Variants in HHIP observed in about 807,000 individuals in gnomAD.
The protein encoded by HHIP is hedgehog interacting protein.
A neutral mutation model predicts 74.0 loss-of-function variants in HHIP; 12 were observed. That is an observed-to-expected ratio of 0.16 (90% CI 0.10 to 0.26). The LOEUF is 0.26. HHIP is among the 10% of genes least tolerant of loss of function. The pLI is 1.00. For missense variants in HHIP, 788 were observed against 845.0 expected, an observed-to-expected ratio of 0.93 and a Z score of 0.84; for synonymous variants, 309 against 311.6, an observed-to-expected ratio of 0.99 and a Z score of 0.09.
Position 144,658,962 on chromosome 4 carries a change from T to A in HHIP, c.629+16T>A. On this transcript the variant is annotated intron_variant, in intron 3 of 12. Coordinates refer to ENST00000296575, the MANE Select transcript of HHIP (RefSeq NM_022475.3). ...AGATCAGCAGGTTCATAAAGATAAA[T>A]GCTCTTTAATCTTTTTAAAAAAACC... is the stretch of plus-strand genomic sequence containing the variant. 6.3e-7 allele frequency: 1 copy of A among 1,586,820 alleles called. No homozygotes were observed. The highest frequency in any genetic ancestry group is 8.6e-7 in the Non-Finnish European group (1 of 1,164,724).
intron 4 of HHIP, among the ~76,000 whole-genome samples, chr4:144,670,764 G>GAAAAAAAAAAAAAAAAAAAAAAAAAAA (rs1167213848): frequency 1.8e-5 from 1 of 54,890 alleles, no homozygotes; most frequent in Non-Finnish European, 3.2e-5. Context: ...CTTAAGATTT[G>GAAAAAAAAAAAAAAAAAAAAAAAAAAA]AAAAAAAAAA....
At chr4:144,650,921 A>G (rs1390421196) in intron 1 of HHIP, 1 of 152,120 alleles carries the variant, frequency 6.6e-6, no homozygotes, top group Non-Finnish European at 1.5e-5. Flanking sequence ...TCAGCTATAA[A>G]AAATGGAAGA....
intron 4 of HHIP, among the ~76,000 whole-genome samples, chr4:144,676,629 CT>C (rs1729178308): frequency 6.6e-6 from 1 of 152,180 alleles, no homozygotes; most frequent in East Asian, 1.9e-4. Context: ...GGAGCCATCT[CT>C]GGGGCCCAAC....
At position 144,708,229 on chromosome 4, in the gene HHIP, T is replaced by C. The variant is rs1247841324; in HGVS notation, c.1219T>C (p.Ser407Pro). The change falls in exon 7 of 13, where the codon TCC (serine) becomes CCC (proline). Residue 407 changes from serine (S) to proline (P), a missense_variant. Ser to Pro is a moderately conservative substitution (Grantham distance 74). This residue lies in a region of HHIP where 72 missense variants were observed against 130.6 expected (regional missense o/e 0.55). Coordinates refer to ENST00000296575, the MANE Select transcript of HHIP (RefSeq NM_022475.3). ...CACAGACATGTGCAACGTGCCTTAT[T>C]CCATACCAAGGAGCAACCCACACTT... Reference protein sequence around the residue: ...VDTDMCNVPYSIPRSNPHFNS... With the variant: ...VDTDMCNVPYPIPRSNPHFNS... The C allele has an allele frequency of 6.2e-7, 1 of 1,614,016 alleles. No individual in the cohort carries two copies.
intron 2 of HHIP, among the ~76,000 whole-genome samples, chr4:144,657,744 G>A (rs752881207): frequency 8.5e-5 from 13 of 152,074 alleles, no homozygotes; most frequent in South Asian, 2.1e-4. Context: ...AAGTAACTCC[G>A]TTGTGTTTTT....
At chr4:144,731,700 G>T (rs1248319061) in intron 11 of HHIP, among the ~76,000 whole-genome samples, 1 of 152,190 alleles carries the variant, frequency 6.6e-6, no homozygotes, top group Non-Finnish European at 1.5e-5. Context: ...GATTACAGGT[G>T]TGAGCCACCG....
chr4:144,733,347 C>T (rs1264401055), intron 11 of HHIP, among the ~76,000 whole-genome samples: 1 of 152,166 alleles, frequency 6.6e-6, no homozygotes, highest in Non-Finnish European at 1.5e-5. Context: ...GCACTTTCGA[C>T]ATAGAGTGGG....
intron 4 of HHIP, among the ~76,000 whole-genome samples, chr4:144,684,936 ACT>A (rs1186346897): frequency 6.6e-6 from 1 of 152,042 alleles, no homozygotes; most frequent in African/African-American, 2.4e-5. Flanking sequence ...ATATACTGAT[ACT>A]CTCTACCATT....
At chr4:144,686,900 T>A (rs745422227) in intron 4 of HHIP, among the ~76,000 whole-genome samples, 2 of 151,906 alleles carry the variant, frequency 1.3e-5, no homozygotes, top group African/African-American at 2.4e-5. Context: ...GGAACATGTA[T>A]GAAAACTTAA....
intron 4 of HHIP, among the ~76,000 whole-genome samples, chr4:144,663,405 T>C (rs998722507): frequency 3.3e-5 from 5 of 152,216 alleles, no homozygotes; most frequent in African/African-American, 1.2e-4. Flanking sequence ...GTGTAGCCAA[T>C]TTGAAAACCA....
intron 4 of HHIP, among the ~76,000 whole-genome samples, chr4:144,705,841 TCCCACTCCTTC>T (rs1038668530): frequency 4.5e-4 from 68 of 152,164 alleles, no homozygotes; most frequent in African/African-American, 1.6e-3. Context: ...CTAGCATTTC[TCCCACTCCTTC>T]CCCAGCCGTG....
intron 4 of HHIP, among the ~76,000 whole-genome samples, chr4:144,679,000 T>C (rs1729256177): frequency 6.6e-6 from 1 of 152,226 alleles, no homozygotes; most frequent in Non-Finnish European, 1.5e-5. Flanking sequence ...CCACCAACAG[T>C]GTAAGAGCAT....
At chr4:144,728,780 T>G (rs1293145323) in intron 11 of HHIP, among the ~76,000 whole-genome samples, 1 of 152,150 alleles carries the variant, frequency 6.6e-6, no homozygotes, top group African/African-American at 2.4e-5. Context: ...TATTACATGG[T>G]TACACAGGAA....
intron 12 of HHIP, among the ~76,000 whole-genome samples, chr4:144,737,378 C>T (rs928531958): frequency 3.3e-4 from 51 of 152,286 alleles, no homozygotes; most frequent in Non-Finnish European, 5.7e-4. Flanking sequence ...TGGGCCACTC[C>T]CATGTTGAGA....
chr4:144,693,861 C>G (rs998110805), intron 4 of HHIP, among the ~76,000 whole-genome samples: 2 of 151,636 alleles, frequency 1.3e-5, no homozygotes, highest in African/African-American at 4.8e-5. Context: ...AGTTTTTATT[C>G]AGAATTAATA....
At chr4:144,707,023 C>G in intron 5 of HHIP, 64 bp from the exon 6 acceptor site, 1 of 1,387,588 alleles carries the variant, frequency 7.2e-7, no homozygotes, top group Non-Finnish European at 1.0e-6. Flanking sequence ...ATACTATTCA[C>G]TTTCTGATGG....
At chr4:144,655,633 A>G (rs1728539025) in intron 2 of HHIP, among the ~76,000 whole-genome samples, 1 of 152,098 alleles carries the variant, frequency 6.6e-6, no homozygotes, top group African/African-American at 2.4e-5. Context: ...TAGCTTACAC[A>G]TGTGTCTTCT....
intron 11 of HHIP, among the ~76,000 whole-genome samples, chr4:144,731,356 G>A (rs943937955): frequency 1.3e-5 from 2 of 152,158 alleles, no homozygotes; most frequent in African/African-American, 2.4e-5. Flanking sequence ...TCCTCATGGA[G>A]TTCATATTTC....
At chr4:144,664,349 C>A (rs192418037) in intron 4 of HHIP, among the ~76,000 whole-genome samples, 1 of 152,294 alleles carries the variant, frequency 6.6e-6, no homozygotes, top group East Asian at 1.9e-4. Flanking sequence ...CCAGGGCAAG[C>A]CCTGATGGGG....
Sources: allele counts gnomAD v4.1 joint callset (sites outside exome capture counted in the v4.1 genomes callset), GRCh38; gene constraint gnomAD v4.1.1; regional missense constraint gnomAD v4.1.1; transcripts MANE v1.5; gene names NCBI Gene and HGNC (gene_info 2026-07-23, HGNC 2026-07-21).